PRDM1: variants seen among roughly 807,000 people sequenced by gnomAD.
PRDM1 encodes PR/SET domain 1.
A neutral mutation model predicts 62.8 loss-of-function variants in PRDM1; 13 were observed. The ratio of observed to expected loss-of-function variants is 0.21; its 90% confidence interval spans 0.13 to 0.33. The LOEUF (loss-of-function observed/expected upper bound fraction) is 0.33. Among genes scored for constraint, PRDM1 ranks in the 10% least tolerant of loss-of-function variants. The pLI is 1.00. For missense variants in PRDM1, 895 were observed against 1,058.8 expected (o/e 0.85, Z 2.15); for synonymous variants, 396 against 417.6 (o/e 0.95, Z 0.63).
chr6:106,085,784 G>A (rs1234943706), upstream of PRDM1, among the ~76,000 whole-genome samples: 8 of 146,042 alleles, frequency 5.5e-5, no homozygotes, highest in Non-Finnish European at 8.9e-5. Flanking sequence ...TTACTAAATA[G>A]TTAAAAGAGG....
At chr6:106,066,021 CTT>C in intron 1 of PRDM1, among the ~76,000 whole-genome samples, 1 of 152,204 alleles carries the variant, frequency 6.6e-6, no homozygotes, top group East Asian at 1.9e-4. Context: ...CTGAGCCTGT[CTT>C]TCAGATGTGT....
Position 106,106,574 on chromosome 6 carries a change from T to C in PRDM1, c.1902+75T>C. On this transcript the variant is annotated intron_variant, in intron 6 of 6. Transcript: ENST00000369096. This position sits in a 1 kb window ranked among gnomAD's most constrained non-coding sequence, Gnocchi z 4.4. ...GTGAGTCACCCTCCCATGTCCTATA[T>C]AGCCCGTAGTTAAAGCCAACACCAG... The C allele has an allele frequency of 1.3e-6, 2 of 1,578,218 alleles. No individual in the cohort carries two copies. Among genetic ancestry groups the C allele is most frequent in the South Asian group, 2.3e-5 (2 of 88,130 alleles).
chr6:106,097,076 G>A (rs982671366), intron 3 of PRDM1, among the ~76,000 whole-genome samples: 4 of 152,130 alleles, frequency 2.6e-5, no homozygotes, highest in Non-Finnish European at 2.9e-5. Flanking sequence ...GCAAAAGAGG[G>A]TAGTTACAGA....
chr6:106,071,479 A>G (rs1198731964), intron 1 of PRDM1, among the ~76,000 whole-genome samples: 1 of 152,100 alleles, frequency 6.6e-6, no homozygotes, highest in East Asian at 1.9e-4. Flanking sequence ...TCCACTTCCC[A>G]TCGATTTTGC....
At chr6:106,079,923 G>T (rs772732431) in intron 1 of PRDM1, among the ~76,000 whole-genome samples, 3 of 152,192 alleles carry the variant, frequency 2.0e-5, no homozygotes, top group Non-Finnish European at 4.4e-5. Flanking sequence ...AGGGAAGAGT[G>T]GGAAGAGATA....
chr6:106,077,439 C>T (rs1773621612), intron 1 of PRDM1, among the ~76,000 whole-genome samples: 1 of 152,164 alleles, frequency 6.6e-6, no homozygotes, highest in Admixed American at 6.5e-5. Flanking sequence ...GCCCAAGGCT[C>T]CCTGTTTTCC....
At chr6:105,995,991 C>A (rs2114537555) in intron 1 of PRDM1, among the ~76,000 whole-genome samples, 1 of 152,202 alleles carries the variant, frequency 6.6e-6, no homozygotes, top group South Asian at 2.1e-4. Flanking sequence ...AGGATATGAC[C>A]CTTCTCTCTC....
intron 1 of PRDM1, among the ~76,000 whole-genome samples, chr6:106,070,666 T>G (rs963101202): frequency 3.9e-5 from 6 of 152,268 alleles, no homozygotes; most frequent in African/African-American, 1.4e-4. Flanking sequence ...AAGTATAGTT[T>G]GTAAATATTT....
intron 1 of PRDM1, among the ~76,000 whole-genome samples, chr6:106,006,488 A>T (rs1267188348): frequency 6.7e-6 from 1 of 149,090 alleles, no homozygotes; most frequent in Non-Finnish European, 1.5e-5. Flanking sequence ...ACATCATTTA[A>T]CATCAGATAG....
chr6:106,066,519 A>C (rs771897682), intron 1 of PRDM1, among the ~76,000 whole-genome samples: 3 of 152,192 alleles, frequency 2.0e-5, no homozygotes, highest in Non-Finnish European at 4.4e-5. Flanking sequence ...AGCATTTCAA[A>C]AGATAGTACA....
At chr6:106,079,564 G>A (rs61492015) in intron 1 of PRDM1, among the ~76,000 whole-genome samples, 1 of 152,222 alleles carries the variant, frequency 6.6e-6, no homozygotes, top group African/African-American at 2.4e-5. Flanking sequence ...TTGGGAAGCT[G>A]AGGCAGGCAG....
intron 1 of PRDM1, among the ~76,000 whole-genome samples, chr6:106,021,889 GGATTA>G (rs1772700962): frequency 6.6e-6 from 1 of 152,160 alleles, no homozygotes; most frequent in Non-Finnish European, 1.5e-5. Flanking sequence ...CAAAGTGCTG[GGATTA>G]CAGGCGTGAG....
intron 1 of PRDM1, among the ~76,000 whole-genome samples, chr6:106,034,444 G>A (rs966041489): frequency 3.3e-5 from 5 of 151,720 alleles, no homozygotes; most frequent in Non-Finnish European, 5.9e-5. Context: ...TTTGCATGTC[G>A]TATTTTATTT....
intron 1 of PRDM1, among the ~76,000 whole-genome samples, chr6:106,022,882 A>G (rs987696502): frequency 6.6e-6 from 1 of 152,198 alleles, no homozygotes; most frequent in African/African-American, 2.4e-5. Flanking sequence ...ACATCATTTC[A>G]CTATTTCTTA....
rs559993270 is a variant in PRDM1 at position 106,013,036 on chromosome 6, G to A, written c.-67+19397G>A. On this transcript the variant is annotated intron_variant, in intron 1 of 6. Coordinates refer to the PRDM1 transcript ENST00000652320. ...CCAGTAGCTAGGATTACAAGCGCGCGCAATCACACCTGGCTAATTTTTGTA... is the reference window on the plus strand; with the variant it reads ...CCAGTAGCTAGGATTACAAGCGCGCACAATCACACCTGGCTAATTTTTGTA... Among the ~76,000 whole-genome samples, 14 of 152,096 alleles carry A rather than the reference G, an allele frequency of 9.2e-5. No homozygotes were observed. In the East Asian group the frequency reaches 1.7e-3, roughly 19 times the overall value.
At chr6:106,041,675 C>G (rs1030429522) in intron 1 of PRDM1, among the ~76,000 whole-genome samples, 9 of 151,978 alleles carry the variant, frequency 5.9e-5, no homozygotes, top group African/African-American at 1.9e-4. Context: ...CTGAACATCC[C>G]CCCAGAAAAG....
intron 1 of PRDM1, among the ~76,000 whole-genome samples, chr6:106,024,487 A>C (rs1480054903): frequency 6.6e-6 from 1 of 152,246 alleles, no homozygotes; most frequent in Non-Finnish European, 1.5e-5. Flanking sequence ...TTGAAATTTT[A>C]AACTTGTCTC....
chr6:106,093,804 A>T (rs1203916106), intron 2 of PRDM1, among the ~76,000 whole-genome samples: 1 of 152,224 alleles, frequency 6.6e-6, no homozygotes, highest in African/African-American at 2.4e-5. Flanking sequence ...GAGGAGGAGG[A>T]TGAAATGAAC....
In PRDM1 at chr6:106,054,207, C is replaced by T. The variant is rs1773228237; in HGVS notation, c.-67+5493C>T. Among the ~76,000 whole-genome samples the T allele has an allele frequency of 2.0e-5, 3 of 151,892 alleles. No individual in the cohort carries two copies. The South Asian group carries it at 6.2e-4, about 31-fold the overall frequency. ...TCATCTCAACATTTTTACAGAAACA[C>T]GTATGTATAAAGAAAACTGAAGGAA... On this transcript the variant is annotated intron_variant, in intron 1 of 6. Coordinates refer to the PRDM1 transcript ENST00000651185.
Sources: allele counts gnomAD v4.1 joint callset (sites outside exome capture counted in the v4.1 genomes callset), GRCh38; gene constraint gnomAD v4.1.1; non-coding constraint Gnocchi (gnomAD v3.1); transcripts MANE v1.5; gene names NCBI Gene and HGNC (gene_info 2026-07-23, HGNC 2026-07-21).